The following CBR4 variants were observed in gnomAD, a reference collection of about 807,000 sequenced individuals.
CBR4 encodes the protein carbonyl reductase 4.
In CBR4, 22 loss-of-function variants were observed where a neutral mutation model predicts 21.0. That is an observed-to-expected ratio of 1.05 (90% CI 0.75 to 1.50). CBR4 has a LOEUF of 1.50. Among genes scored for constraint, CBR4 ranks in the 40% most tolerant of loss-of-function variants. CBR4 has a pLI of 0.00. For missense variants in CBR4, 302 were observed against 286.3 expected (o/e 1.05, Z -0.40); for synonymous variants, 100 against 104.4 (o/e 0.96, Z 0.26).
At chr4:168,990,976 C>G (rs1332005048) in intron 4 of CBR4, among the ~76,000 whole-genome samples, 3 of 151,996 alleles carry the variant, frequency 2.0e-5, no homozygotes, top group Non-Finnish European at 2.9e-5. Context: ...ATCGCTTGAA[C>G]CTGGGAGGTG....
At chr4:169,003,720 T>C (rs1730654798) in intron 3 of CBR4, among the ~76,000 whole-genome samples, 1 of 152,168 alleles carries the variant, frequency 6.6e-6, no homozygotes, top group East Asian at 1.9e-4. Flanking sequence ...AATGACAGAC[T>C]GGATTAAGAA....
chr4:168,922,096 T>C (rs1302444911), intron 2 of CBR4, among the ~76,000 whole-genome samples: 16 of 104,888 alleles, frequency 1.5e-4, no homozygotes, highest in African/African-American at 4.8e-4. Flanking sequence ...TATATATATA[T>C]ATATATACAC....
chr4:168,943,240 C>T (rs1195835528), intron 2 of CBR4, among the ~76,000 whole-genome samples: 1 of 152,164 alleles, frequency 6.6e-6, no homozygotes, highest in African/African-American at 2.4e-5. Flanking sequence ...CAAAAGGGTA[C>T]AGCACTGGAG....
rs567713089 is a variant in CBR4, at chr4:168,966,743, G to A, written n.169+35328C>T. Among the ~76,000 whole-genome samples, 4 of 152,212 alleles carry A rather than the reference G, an allele frequency of 2.6e-5. No individual in the cohort carries two copies. The South Asian group carries it at 6.2e-4, about 24-fold the overall frequency. ...ATAAATCATGCTACTACAGGGCCGGGCACAGTGGCTCACGCCTGTAATCCC... is the reference window on the plus strand; with the variant it reads ...ATAAATCATGCTACTACAGGGCCGGACACAGTGGCTCACGCCTGTAATCCC... On this transcript the variant is annotated intron_variant and non_coding_transcript_variant, in intron 2 of 3. Transcript: ENST00000509108.
Position 169,007,684 on chromosome 4 carries a change from T to C in CBR4, c.215A>G (p.Lys72Arg). The C allele has an allele frequency of 6.3e-7, 1 of 1,595,256 alleles. No individual in the cohort carries two copies. Among genetic ancestry groups the C allele is most frequent in the Non-Finnish European group, 8.5e-7 (1 of 1,171,836 alleles). Residue 72 changes from lysine to arginine, a missense_variant, in exon 2 of 5, where the codon AAA (lysine) becomes AGA (arginine). Lys to Arg is a conservative substitution (Grantham distance 26). Transcript: ENST00000306193. The part of the protein sequence containing the change: ...DVQNTFEELE[K>R]HLGRVNFLVN... ...CAAGAAATTTACTCGACCTAAATGT[T>C]TCTCCAGCTCTTCAAATGTATTTTG...
downstream of CBR4, among the ~76,000 whole-genome samples, chr4:168,982,657 T>C (rs1764577893): frequency 6.6e-6 from 1 of 152,080 alleles, no homozygotes; most frequent in Non-Finnish European, 1.5e-5. Context: ...TAAAACTGAC[T>C]ACACACTGGG....
chr4:168,908,556 G>A (rs1758285534), intron 2 of CBR4, among the ~76,000 whole-genome samples: 1 of 152,260 alleles, frequency 6.6e-6, no homozygotes, highest in Non-Finnish European at 1.5e-5. Context: ...AGCATAAAGT[G>A]TAGTTGACAG....
intron 2 of CBR4, among the ~76,000 whole-genome samples, chr4:168,912,409 G>A (rs1197812559): frequency 6.6e-6 from 1 of 152,120 alleles, no homozygotes; most frequent in Middle Eastern, 3.2e-3. Context: ...TCTTCTGAGA[G>A]AGTGAAGGAG....
At chr4:168,927,365 C>G (rs1762695716) in intron 2 of CBR4, 5 of 232,690 alleles carry the variant, frequency 2.1e-5, no homozygotes, top group Non-Finnish European at 3.4e-5. Context: ...AGTCAAGGAA[C>G]CCAGGGCCAG....
At chr4:168,995,002 C>T (rs1383539018) in intron 4 of CBR4, among the ~76,000 whole-genome samples, 1 of 152,088 alleles carries the variant, frequency 6.6e-6, no homozygotes, top group African/African-American at 2.4e-5. Context: ...GATCAGCCTG[C>T]CTTGGTCTCC....
At chr4:169,002,326 G>C (rs1268819112) in intron 3 of CBR4, 121 bp from the exon 4 acceptor site, 1 of 1,034,160 alleles carries the variant, frequency 9.7e-7, no homozygotes, top group Non-Finnish European at 1.3e-6. Flanking sequence ...CTTGTCCTTT[G>C]TTAAAATTAG....
At chr4:168,902,773 A>AT (rs1756816346) in intron 2 of CBR4, among the ~76,000 whole-genome samples, 1 of 152,128 alleles carries the variant, frequency 6.6e-6, no homozygotes, top group Non-Finnish European at 1.5e-5. Flanking sequence ...ATTTACTTTT[A>AT]TTTTTTACAT....
intron 2 of CBR4, chr4:168,925,195 A>G: frequency 6.4e-7 from 1 of 1,557,872 alleles, no homozygotes; most frequent in East Asian, 2.4e-5. Flanking sequence ...TATTTGTCAA[A>G]AAAATTCATA....
chr4:168,938,509 A>G (rs1340028311), intron 2 of CBR4, among the ~76,000 whole-genome samples: 1 of 152,214 alleles, frequency 6.6e-6, no homozygotes, highest in African/African-American at 2.4e-5. Flanking sequence ...CCTTCAAAAA[A>G]TCAATGAATC....
At chr4:168,904,137 G>A (rs1461007043) in intron 2 of CBR4, 2 of 524,586 alleles carry the variant, frequency 3.8e-6, no homozygotes, top group Non-Finnish European at 6.9e-6. Flanking sequence ...TATTATTAAG[G>A]GTCTAATATG....
intron 2 of CBR4, among the ~76,000 whole-genome samples, chr4:168,958,839 T>A (rs1763762688): frequency 6.6e-6 from 1 of 152,238 alleles, no homozygotes. Flanking sequence ...ATTACTCAGA[T>A]ATCTTTTGTG....
chr4:168,943,019 G>A (rs536493059), intron 2 of CBR4, among the ~76,000 whole-genome samples: 145 of 152,300 alleles, frequency 9.5e-4, no homozygotes, highest in Non-Finnish European at 1.8e-3. Flanking sequence ...CTGTTGGTGG[G>A]AATGTAGACT....
At chr4:168,961,490 A>G (rs1055255467) in intron 2 of CBR4, among the ~76,000 whole-genome samples, 1 of 152,200 alleles carries the variant, frequency 6.6e-6, no homozygotes, top group East Asian at 1.9e-4. Flanking sequence ...TAAAAATGTA[A>G]AATTCAATAT....
At chr4:168,933,992 C>T (rs1763033452) in intron 2 of CBR4, among the ~76,000 whole-genome samples, 1 of 151,944 alleles carries the variant, frequency 6.6e-6, no homozygotes, top group Non-Finnish European at 1.5e-5. Context: ...ACATACCAAA[C>T]CCTGTGTGAT....
Sources: allele counts gnomAD v4.1 joint callset (sites outside exome capture counted in the v4.1 genomes callset), GRCh38; gene constraint gnomAD v4.1.1; transcripts MANE v1.5; gene names NCBI Gene and HGNC (gene_info 2026-07-23, HGNC 2026-07-21).